Variants in MCTP1 observed in about 807,000 individuals in gnomAD.
MCTP1 encodes multiple C2 and transmembrane domain-containing protein 1.
In MCTP1, 69 loss-of-function variants were observed where a neutral mutation model predicts 120.6. The ratio of observed to expected loss-of-function variants is 0.57; its 90% CI spans 0.47 to 0.70. The LOEUF (loss-of-function observed/expected upper bound fraction) is 0.70, where lower values mean the gene tolerates loss of function less well. MCTP1 is among the 30% of genes least tolerant of loss of function. The probability of loss-of-function intolerance (pLI) is 0.00; values close to 1 mark genes in which losing one functional copy is unlikely to be tolerated. For missense variants in MCTP1, 1,203 were observed against 1,248.8 expected (o/e 0.96, Z 0.55); for synonymous variants, 529 against 493.1 (o/e 1.07, Z -0.96).
At chr5:95,178,512 A>G (rs566483868) in intron 1 of MCTP1, among the ~76,000 whole-genome samples, 2 of 152,306 alleles carry the variant, frequency 1.3e-5, no homozygotes, top group South Asian at 4.1e-4. Flanking sequence ...CTTTGCAGAC[A>G]TTCCTTAGTA....
intron 1 of MCTP1, among the ~76,000 whole-genome samples, chr5:95,254,804 A>G (rs919270482): frequency 6.6e-6 from 1 of 152,196 alleles, no homozygotes; most frequent in Non-Finnish European, 1.5e-5. Flanking sequence ...TCCACTCACC[A>G]GTTCTGTGAT....
At chr5:94,845,311 G>A (rs1262304561) in intron 17 of MCTP1, among the ~76,000 whole-genome samples, 2 of 152,284 alleles carry the variant, frequency 1.3e-5, no homozygotes, top group African/African-American at 2.4e-5. Context: ...GCAAAAGAGC[G>A]TGTGCAGAGA....
At chr5:95,143,870 G>A (rs988451580) in intron 1 of MCTP1, among the ~76,000 whole-genome samples, 1 of 152,146 alleles carries the variant, frequency 6.6e-6, no homozygotes. Context: ...GAACATAGAA[G>A]TGCATGTATC....
intron 1 of MCTP1, among the ~76,000 whole-genome samples, chr5:95,053,454 A>C (rs1370269193): frequency 6.6e-6 from 1 of 152,130 alleles, no homozygotes; most frequent in East Asian, 1.9e-4. Flanking sequence ...ACAGCCTCTA[A>C]TTGCTGCTAC....
At chr5:94,923,627 A>G (rs1366401887) in intron 7 of MCTP1, among the ~76,000 whole-genome samples, 1 of 152,170 alleles carries the variant, frequency 6.6e-6, no homozygotes, top group Non-Finnish European at 1.5e-5. Context: ...TCATTTTACA[A>G]GAGAGGAAAG....
At chr5:94,729,659 A>C (rs1762773141) in intron 19 of MCTP1, among the ~76,000 whole-genome samples, 1 of 152,224 alleles carries the variant, frequency 6.6e-6, no homozygotes, top group Non-Finnish European at 1.5e-5. Context: ...ATGGGAAGGA[A>C]TTAACCAGGA....
At chr5:95,038,719 C>A (rs888593853) in intron 1 of MCTP1, among the ~76,000 whole-genome samples, 1 of 152,176 alleles carries the variant, frequency 6.6e-6, no homozygotes, top group Non-Finnish European at 1.5e-5. Flanking sequence ...CACATTTATG[C>A]AGTGTTTACG....
At chr5:95,219,107 C>A (rs143428442) in intron 1 of MCTP1, among the ~76,000 whole-genome samples, 14 of 152,208 alleles carry the variant, frequency 9.2e-5, no homozygotes, top group South Asian at 2.1e-4. Flanking sequence ...AAAGGCCAGG[C>A]GCAGTGGCTC....
intron 1 of MCTP1, among the ~76,000 whole-genome samples, chr5:95,158,601 T>A (rs1027414330): frequency 6.6e-6 from 1 of 152,154 alleles, no homozygotes; most frequent in Non-Finnish European, 1.5e-5. Flanking sequence ...TTAAATAGCA[T>A]CTGTAATTTT....
chr5:95,159,962 G>A (rs3885090), intron 1 of MCTP1, among the ~76,000 whole-genome samples: 7,725 of 152,154 alleles, frequency 0.051, 353 homozygotes, highest in East Asian at 0.11. Context: ...ATATGAAGGC[G>A]TGAGAACAGC....
intron 12 of MCTP1, among the ~76,000 whole-genome samples, chr5:94,875,532 A>C (rs1051166372): frequency 6.6e-6 from 1 of 152,050 alleles, no homozygotes; most frequent in Non-Finnish European, 1.5e-5. Flanking sequence ...GATGGCTGCT[A>C]TTTGGAAAAT....
chr5:95,171,305 T>C (rs1044498384), intron 1 of MCTP1, among the ~76,000 whole-genome samples: 1 of 152,220 alleles, frequency 6.6e-6, no homozygotes, highest in African/African-American at 2.4e-5. Context: ...GGCTTCCCTT[T>C]GTGGATAACC....
At chr5:95,023,932 T>C (rs1232293112) in intron 1 of MCTP1, 4 of 199,766 alleles carry the variant, frequency 2.0e-5, no homozygotes, top group East Asian at 3.0e-4. Flanking sequence ...TTTCACAGAA[T>C]TTAGCAGTTA....
At chr5:95,003,625 A>G (rs1246734551) in intron 2 of MCTP1, among the ~76,000 whole-genome samples, 1 of 152,228 alleles carries the variant, frequency 6.6e-6, no homozygotes, top group Non-Finnish European at 1.5e-5. Context: ...TAAAAGAAGA[A>G]GAGAATACAG....
At chr5:95,018,905 T>C (rs1330325953) in intron 1 of MCTP1, among the ~76,000 whole-genome samples, 2 of 152,102 alleles carry the variant, frequency 1.3e-5, no homozygotes, top group African/African-American at 4.8e-5. Flanking sequence ...ACCCATCTGA[T>C]TGTGGCCACC....
rs61185942 is a variant in MCTP1, at chr5:95,284,600, CCCTCCTCCTCCT to C, written c.-37_-26del. ...TCCTCCACCCCCTGCTCCTCCTCTC[CCCTCCTCCTCCT>C]CCTCCTCCTCCTGCTTCTCCTCCCT... On this transcript the variant is annotated 5_prime_UTR_variant, in exon 1 of 23. Coordinates refer to ENST00000515393, the MANE Select transcript of MCTP1 (RefSeq NM_024717.7). The surrounding 1 kb of genome is among the most constrained non-coding windows in gnomAD (Gnocchi z 5.2). The C allele has an allele frequency of 4.4e-6, 6 of 1,372,334 alleles. No homozygotes were observed. The highest frequency in any genetic ancestry group is 3.1e-5 in the African/African-American group (2 of 63,728). The allele number at this position is 1,372,334 out of a possible 1,614,324, so 85.0% of individuals were successfully genotyped here. A position where few individuals can be genotyped will look rare whatever the true frequency, so the allele number is the denominator to read the frequency against.
chr5:95,273,663 C>T (rs1468831779), intron 1 of MCTP1, among the ~76,000 whole-genome samples: 4 of 152,186 alleles, frequency 2.6e-5, no homozygotes, highest in Non-Finnish European at 4.4e-5. Context: ...TTCTGAAGAA[C>T]TCAAATAACT....
At chr5:95,177,026 A>G (rs1748073856) in intron 1 of MCTP1, among the ~76,000 whole-genome samples, 1 of 151,648 alleles carries the variant, frequency 6.6e-6, no homozygotes, top group South Asian at 2.1e-4. Flanking sequence ...CACCATGCCC[A>G]GCTAATTTGA....
At chr5:95,032,829 T>A (rs1840553277) in intron 1 of MCTP1, among the ~76,000 whole-genome samples, 3 of 151,978 alleles carry the variant, frequency 2.0e-5, no homozygotes, top group Admixed American at 2.0e-4. Context: ...ACAGAATTGA[T>A]AGACCAGCAG....
Sources: gnomAD v4.1 joint callset for allele counts (sites outside exome capture counted in the v4.1 genomes callset) on GRCh38, gnomAD v4.1.1 for gene constraint, Gnocchi (gnomAD v3.1) non-coding constraint, MANE v1.5 for transcripts, NCBI Gene and HGNC (gene_info 2026-07-23, HGNC 2026-07-21) for gene names.